The following ARHGEF28 variants were observed in gnomAD, a reference collection of about 807,000 sequenced individuals.
ARHGEF28 encodes Rho guanine nucleotide exchange factor 28.
Under a neutral mutation model 206.6 loss-of-function variants are expected in ARHGEF28, and 152 were observed. That is an observed-to-expected ratio of 0.74 (90% confidence interval 0.64 to 0.84). The LOEUF is 0.84. Ranked by LOEUF, ARHGEF28 falls within the 40% of genes least tolerant of loss-of-function variation. ARHGEF28 has a pLI of 0.00. For synonymous variants in ARHGEF28, 763 were observed against 776.4 expected (o/e 0.98, Z 0.29); for missense variants, 2,028 against 2,073.2 (o/e 0.98, Z 0.42).
chr5:73,776,439 G>A lies in ARHGEF28; in HGVS notation c.660-77G>A, dbSNP rs193114831. The A allele has an allele frequency of 7.4e-4, 967 of 1,305,938 alleles. 3 individuals carry two copies. The highest frequency in any genetic ancestry group is 1.8e-3 in the Middle Eastern group (9 of 4,912). The allele number at this position is 1,305,938 out of a possible 1,614,324, so 80.9% of individuals were successfully genotyped here. A position where few individuals can be genotyped will look rare whatever the true frequency, so the allele number is the denominator to read the frequency against. The stretch of plus-strand genomic sequence containing the variant: ...GCCAGTTGGATTTGTAAGATCAGGG[G>A]CAGTGATCCTAAGGGCTGGGATCCT... On this transcript the variant is annotated intron_variant, in intron 5 of 35. Transcript: ENST00000513042.
intron 9 of ARHGEF28, among the ~76,000 whole-genome samples, chr5:73,812,681 G>T (rs59611140): frequency 0.074 from 11,322 of 152,058 alleles, 711 homozygotes; most frequent in African/African-American, 0.17. Flanking sequence ...TCAGGGAGAC[G>T]GCAAGAACTG....
intron 1 of ARHGEF28, among the ~76,000 whole-genome samples, chr5:73,654,722 A>T (rs190386615): frequency 2.0e-5 from 3 of 152,204 alleles, no homozygotes; most frequent in African/African-American, 4.8e-5. Flanking sequence ...GAATGAACTC[A>T]GTCATCTCTT....
At chr5:73,647,811 C>T (rs1412524842) in intron 1 of ARHGEF28, among the ~76,000 whole-genome samples, 1 of 152,242 alleles carries the variant, frequency 6.6e-6, no homozygotes, top group African/African-American at 2.4e-5. Flanking sequence ...TAATTACTCT[C>T]TACTCCTACC....
At chr5:73,722,334 C>T (rs1454909582) in intron 2 of ARHGEF28, among the ~76,000 whole-genome samples, 3 of 152,218 alleles carry the variant, frequency 2.0e-5, no homozygotes, top group Non-Finnish European at 4.4e-5. Flanking sequence ...TTTCCTCTCT[C>T]TAAAACTCAG....
intron 2 of ARHGEF28, among the ~76,000 whole-genome samples, chr5:73,694,457 T>C (rs1748054438): frequency 1.3e-5 from 2 of 152,214 alleles, no homozygotes; most frequent in East Asian, 1.9e-4. Context: ...GTAGCCGATA[T>C]TTTTGTTCTG....
At chr5:73,703,404 C>T (rs527661466) in intron 2 of ARHGEF28, among the ~76,000 whole-genome samples, 5 of 152,138 alleles carry the variant, frequency 3.3e-5, no homozygotes. Context: ...GGGGGTTTCC[C>T]GTGGGAACAG....
Position 73,766,153 on chromosome 5 carries a change from C to CAA in ARHGEF28, c.476-7690_476-7689dup, listed in dbSNP as rs369385323. Among the ~76,000 whole-genome samples, 944 of 114,740 alleles carry CAA rather than the reference C, an allele frequency of 8.2e-3. 12 individuals carry two copies. Among genetic ancestry groups the CAA allele is most frequent in the African/African-American group, 0.026 (875 of 34,224 alleles). The allele number at this position is 114,740 out of a possible 152,430, so 75.3% of individuals were successfully genotyped here. The stretch of plus-strand genomic sequence containing the variant: ...TGGGCTAAAGAGCAGGACTCCATCT[C>CAA]AAAAAAAAAAAAACAAAAAACAAAA... On this transcript the variant is annotated intron_variant, in intron 4 of 35. Coordinates refer to ENST00000513042, the MANE Select transcript of ARHGEF28 (RefSeq NM_001177693.2).
chr5:73,799,450 C>T (rs942097807), intron 9 of ARHGEF28, among the ~76,000 whole-genome samples: 3 of 152,120 alleles, frequency 2.0e-5, no homozygotes, highest in Middle Eastern at 3.2e-3. Flanking sequence ...ATGTTAAGTT[C>T]CTCCTTGAGG....
intron 11 of ARHGEF28, among the ~76,000 whole-genome samples, chr5:73,842,811 C>T (rs996670139): frequency 6.6e-6 from 1 of 151,974 alleles, no homozygotes; most frequent in Non-Finnish European, 1.5e-5. Context: ...GGTGAAACTC[C>T]CGCTCTAGTA....
chr5:73,854,379 A>G (rs1280175592), intron 14 of ARHGEF28, among the ~76,000 whole-genome samples: 4 of 152,162 alleles, frequency 2.6e-5, no homozygotes, highest in African/African-American at 9.7e-5. Context: ...AATTTCTTAA[A>G]GATTATATGG....
At chr5:73,799,607 G>A (rs1163396677) in intron 9 of ARHGEF28, among the ~76,000 whole-genome samples, 1 of 152,176 alleles carries the variant, frequency 6.6e-6, no homozygotes, top group Non-Finnish European at 1.5e-5. Context: ...TACTGAAGCT[G>A]ATTTTCCTGC....
intron 9 of ARHGEF28, among the ~76,000 whole-genome samples, chr5:73,818,265 A>G (rs1267744082): frequency 1.3e-5 from 2 of 152,182 alleles, no homozygotes; most frequent in African/African-American, 4.8e-5. Context: ...TTTACAGGGC[A>G]GGTACCTAAT....
chr5:73,793,667 A>C (rs552147015), intron 7 of ARHGEF28, among the ~76,000 whole-genome samples: 1 of 151,902 alleles, frequency 6.6e-6, no homozygotes, highest in East Asian at 1.9e-4. Flanking sequence ...CGAGTGCTTT[A>C]ATTTTCCCCA....
intron 35 of ARHGEF28, among the ~76,000 whole-genome samples, chr5:73,917,017 C>A (rs529516173): frequency 6.6e-6 from 1 of 152,110 alleles, no homozygotes; most frequent in African/African-American, 2.4e-5. Context: ...ATATTGAATC[C>A]ATTTCCTATT....
At chr5:73,653,688 C>T (rs1320850230) in intron 1 of ARHGEF28, among the ~76,000 whole-genome samples, 1 of 152,204 alleles carries the variant, frequency 6.6e-6, no homozygotes, top group Non-Finnish European at 1.5e-5. Context: ...CTCTCTATAG[C>T]CCCTATCTGT....
chr5:73,858,820 C>T (rs1224375654), intron 16 of ARHGEF28, among the ~76,000 whole-genome samples: 2 of 152,180 alleles, frequency 1.3e-5, no homozygotes. Context: ...CTCCCAATGG[C>T]TTCCTATACC....
chr5:73,672,154 A>G (rs1340768749), intron 1 of ARHGEF28, among the ~76,000 whole-genome samples: 4 of 152,148 alleles, frequency 2.6e-5, no homozygotes, highest in African/African-American at 4.8e-5. Flanking sequence ...GGTCTCTGGC[A>G]AAAGGACTCC....
chr5:73,679,309 G>C (rs1344975295), intron 1 of ARHGEF28, among the ~76,000 whole-genome samples: 2 of 152,198 alleles, frequency 1.3e-5, no homozygotes, highest in South Asian at 2.1e-4. Context: ...GCTCATGCCT[G>C]TAATCCCGGC....
intron 11 of ARHGEF28, among the ~76,000 whole-genome samples, chr5:73,843,089 C>T (rs1053717497): frequency 1.3e-5 from 2 of 151,562 alleles, no homozygotes; most frequent in African/African-American, 4.9e-5. Context: ...ATGGAAAAGA[C>T]ACAAAATAGT....
Sources: allele counts gnomAD v4.1 joint callset (sites outside exome capture counted in the v4.1 genomes callset), GRCh38; gene constraint gnomAD v4.1.1; transcripts MANE v1.5; gene names NCBI Gene and HGNC (gene_info 2026-07-23, HGNC 2026-07-21).